Variants in GALK2 observed in about 807,000 individuals in gnomAD.
GALK2 encodes galactokinase 2.
Under a neutral mutation model 52.4 loss-of-function variants are expected in GALK2, and 36 were observed. That is an observed-to-expected ratio of 0.69 (90% CI 0.53 to 0.91). The LOEUF (loss-of-function observed/expected upper bound fraction) is 0.91. GALK2 is among the 40% of genes least tolerant of loss of function. The pLI is 0.00. For synonymous variants in GALK2, 176 were observed against 199.1 expected (o/e 0.88, Z 0.98); for missense variants, 579 against 559.1 (o/e 1.04, Z -0.36).
rs906841061 is a variant in GALK2, at chr15:49,160,872, C to CA, written c.20+4870dup. ...CTGGTGATAGAGCGAGACTCCATCTCAAAAAAAAAAAAAATTAATAGCACC... is the reference window on the plus strand; with the variant it reads ...CTGGTGATAGAGCGAGACTCCATCTCAAAAAAAAAAAAAAATTAATAGCACC... On this transcript the variant is annotated intron_variant, in intron 1 of 9. Coordinates refer to the GALK2 transcript ENST00000327171. Among the ~76,000 whole-genome samples, 261 of 127,746 alleles carry CA rather than the reference C, an allele frequency of 2.0e-3. 1 individual carries two copies. The highest frequency in any genetic ancestry group is 8.4e-3 in the Middle Eastern group (2 of 238). 83.8% of individuals were successfully genotyped at this position (127,746 alleles called of 152,430 possible).
Position 49,305,512 on chromosome 15 carries a change from A to T in GALK2, c.967+12975A>T, listed in dbSNP as rs373142931. 4.6e-5 allele frequency among the ~76,000 whole-genome samples: 7 copies of T among 152,320 alleles called. No homozygotes were observed. In the East Asian group the frequency reaches 1.2e-3, roughly 25 times the overall value. On this transcript the variant is annotated intron_variant, in intron 8 of 9. Transcript: ENST00000560031. ...ACTTCTCTAATATTGGGAAACCCTT[A>T]TTCTGTCAAGGGCCACTGATGGAAC...
intron 5 of GALK2, among the ~76,000 whole-genome samples, chr15:49,267,478 A>G (rs2092399028): frequency 6.6e-6 from 1 of 152,172 alleles, no homozygotes; most frequent in Non-Finnish European, 1.5e-5. Flanking sequence ...ATCGTTGTCA[A>G]GGTCTTCTGT....
intron 5 of GALK2, among the ~76,000 whole-genome samples, chr15:49,264,916 C>T (rs551002463): frequency 6.6e-6 from 1 of 152,318 alleles, no homozygotes; most frequent in South Asian, 2.1e-4. Context: ...ATGCTGCTGT[C>T]TGATCGTTCC....
intron 3 of GALK2, among the ~76,000 whole-genome samples, chr15:49,226,122 G>A (rs553450228): frequency 7.2e-5 from 11 of 152,288 alleles, no homozygotes; most frequent in Admixed American, 5.9e-4. Flanking sequence ...GCTGTATTCT[G>A]CTTGCGGCTG....
At chr15:49,351,521 A>G (rs991861185) in intron 3 of GALK2, among the ~76,000 whole-genome samples, 24 of 152,246 alleles carry the variant, frequency 1.6e-4, no homozygotes, top group Non-Finnish European at 3.1e-4. Context: ...TCTACAAGAA[A>G]AGTAGTGAGC....
At chr15:49,178,167 CAAAAAAAAAAA>C (rs376324541) in intron 1 of GALK2, among the ~76,000 whole-genome samples, 2 of 66,586 alleles carry the variant, frequency 3.0e-5, no homozygotes, top group South Asian at 6.1e-4. Flanking sequence ...GACTCTGTTT[CAAAAAAAAAAA>C]AAAAAAAAAA....
chr15:49,328,013 A>T lies in GALK2; in HGVS notation c.1231A>T (p.Met411Leu). The change falls in exon 10 of 10, where the codon ATG (methionine) becomes TTG (leucine). Residue 411 changes from methionine to leucine, a missense_variant. Coordinates refer to ENST00000560031, the MANE Select transcript of GALK2 (RefSeq NM_002044.4). ...AGGATGGGGAGGCTGCACAGTATCA[A>T]TGGTACCTGCGGACAAGCTGCCCAG... ...GAGWGGCTVS[M>L]VPADKLPSFL... is the part of the protein sequence containing the mutation. 1 of 1,614,004 alleles carries T rather than the reference A, an allele frequency of 6.2e-7. No individual in the cohort carries two copies. Among genetic ancestry groups the T allele is most frequent in the Non-Finnish European group, 8.5e-7 (1 of 1,179,876 alleles).
At chr15:49,282,679 C>G (rs761943770) in intron 6 of GALK2, among the ~76,000 whole-genome samples, 35 of 152,274 alleles carry the variant, frequency 2.3e-4, no homozygotes, top group Middle Eastern at 3.4e-3. Context: ...AGTTGTTGCT[C>G]ATAAGCTGCT....
At chr15:49,317,270 C>G (rs1227275728) in intron 8 of GALK2, among the ~76,000 whole-genome samples, 1 of 151,896 alleles carries the variant, frequency 6.6e-6, no homozygotes, top group African/African-American at 2.4e-5. Context: ...AGACACTTCT[C>G]AGAAGAAGAC....
chr15:49,348,019 C>CAAAA (rs67614443), intron 3 of GALK2, among the ~76,000 whole-genome samples: 9 of 70,084 alleles, frequency 1.3e-4, no homozygotes, highest in African/African-American at 2.8e-4. Context: ...AACTCTGTCT[C>CAAAA]AAAAAAAAAA....
chr15:49,262,477 G>A (rs1161473919), intron 5 of GALK2, among the ~76,000 whole-genome samples: 1 of 152,066 alleles, frequency 6.6e-6, no homozygotes, highest in African/African-American at 2.4e-5. Context: ...TATTAGTCTT[G>A]CTAGCGGTCT....
chr15:49,286,841 A>G (rs778992839), intron 7 of GALK2, among the ~76,000 whole-genome samples: 1 of 152,184 alleles, frequency 6.6e-6, no homozygotes, highest in Non-Finnish European at 1.5e-5. Context: ...GTTGATGAGT[A>G]AGTGTTGCCT....
intron 7 of GALK2, among the ~76,000 whole-genome samples, chr15:49,287,051 T>C (rs2033445278): frequency 1.3e-5 from 2 of 152,190 alleles, no homozygotes; most frequent in Admixed American, 6.5e-5. Context: ...TAAAAGTTAT[T>C]GGGATGTGGG....
At chr15:49,319,375 T>C (rs1185100085) in intron 8 of GALK2, among the ~76,000 whole-genome samples, 1 of 152,150 alleles carries the variant, frequency 6.6e-6, no homozygotes, top group Non-Finnish European at 1.5e-5. Context: ...TTGAGTGAAG[T>C]GAAGGAAATA....
Position 49,366,242 on chromosome 15 carries a change from A to T in GALK2, c.427-1249A>T, listed in dbSNP as rs2045161594. On this transcript the variant is annotated intron_variant, in intron 3 of 3. Transcript: ENST00000558399. ...AATGTTATTTCCTAGAGTCTGCTTCATATCTATAAAGTCTTTGTCACTTAT... is the reference window on the plus strand; with the variant it reads ...AATGTTATTTCCTAGAGTCTGCTTCTTATCTATAAAGTCTTTGTCACTTAT... 3 of 786,284 alleles carry T rather than the reference A, an allele frequency of 3.8e-6. No homozygotes were observed. In the Admixed American group the frequency reaches 5.1e-5, roughly 13 times the overall value. 48.7% of individuals were successfully genotyped at this position (786,284 alleles called of 1,614,324 possible).
At chr15:49,228,519 A>G (rs1289229040) in intron 3 of GALK2, among the ~76,000 whole-genome samples, 1 of 149,470 alleles carries the variant, frequency 6.7e-6, no homozygotes, top group Non-Finnish European at 1.5e-5. Flanking sequence ...GAGGCTTTCA[A>G]ATGCATGTTT....
At chr15:49,278,799 A>G (rs1247396455) in intron 5 of GALK2, among the ~76,000 whole-genome samples, 2 of 152,242 alleles carry the variant, frequency 1.3e-5, no homozygotes, top group East Asian at 3.8e-4. Context: ...TTAGTCCGTT[A>G]TCACACTGCT....
chr15:49,284,947 T>C (rs2033173588), intron 7 of GALK2, among the ~76,000 whole-genome samples: 1 of 152,174 alleles, frequency 6.6e-6, no homozygotes, highest in South Asian at 2.1e-4. Flanking sequence ...TCTAGTATTT[T>C]GTATTAGAAA....
Position 49,283,137 on chromosome 15 carries a change from C to G in GALK2, c.604-429C>G, listed in dbSNP as rs545925054. The stretch of plus-strand genomic sequence containing the variant: ...CCTGGACTTGCCTAAGTTCTTCCCT[C>G]TTCTTGACATGCTTTTTGAGGAAAG... On this transcript the variant is annotated intron_variant, in intron 6 of 9. Transcript: ENST00000560031. Among the ~76,000 whole-genome samples, 5 of 152,156 alleles carry G rather than the reference C, an allele frequency of 3.3e-5. No homozygotes were observed. The South Asian group carries it at 1.0e-3, about 32-fold the overall frequency.
Sources: allele counts gnomAD v4.1 joint callset (sites outside exome capture counted in the v4.1 genomes callset), GRCh38; gene constraint gnomAD v4.1.1; transcripts MANE v1.5; gene names NCBI Gene and HGNC (gene_info 2026-07-23, HGNC 2026-07-21).